Variants in ADARB2 observed in about 807,000 individuals in gnomAD.
ADARB2 encodes adenosine deaminase RNA specific B2 (inactive), also known as inactive double-stranded RNA-specific editase B2.
ADARB2 carries 25 observed loss-of-function variants against 62.2 expected under a neutral mutation model. That is an observed-to-expected ratio of 0.40 (90% CI 0.29 to 0.56). The LOEUF (loss-of-function observed/expected upper bound fraction) is 0.56. Among genes scored for constraint, ADARB2 ranks in the 20% least tolerant of loss-of-function variants. The pLI is 0.43. For synonymous variants in ADARB2, 572 were observed against 500.8 expected, an observed-to-expected ratio of 1.14 and a Z score of -1.90; for missense variants, 1,071 against 1,077.4, an observed-to-expected ratio of 0.99 and a Z score of 0.08.
intron 3 of ADARB2, chr10:1,293,029 G>A (rs1831484085): frequency 1.1e-4 from 2 of 18,476 alleles, no homozygotes; most frequent in East Asian, 2.3e-3. Flanking sequence ...GAGAGAGAGG[G>A]ACACAGGAAG....
chr10:1,214,573 G>A (rs1050117209), intron 7 of ADARB2, among the ~76,000 whole-genome samples: 1 of 152,256 alleles, frequency 6.6e-6, no homozygotes, highest in Non-Finnish European at 1.5e-5. Context: ...GCGTGGGTTC[G>A]CACCTGTGTT....
At chr10:1,599,714 C>T (rs781005033) in intron 1 of ADARB2, among the ~76,000 whole-genome samples, 1 of 152,110 alleles carries the variant, frequency 6.6e-6, no homozygotes. Flanking sequence ...GTATCCCTTC[C>T]TCTGTCTGGA....
At chr10:1,584,300 G>A (rs1450446006) in intron 1 of ADARB2, among the ~76,000 whole-genome samples, 3 of 152,086 alleles carry the variant, frequency 2.0e-5, no homozygotes, top group South Asian at 2.1e-4. Flanking sequence ...CTGATACCAC[G>A]CCAAAGAAGA....
rs1019963019 is a variant in ADARB2 at position 1,178,763 on chromosome 10, G to C, written c.*4430C>G. On this transcript the variant is annotated 3_prime_UTR_variant, in exon 10 of 10. Coordinates refer to ENST00000381312, the MANE Select transcript of ADARB2 (RefSeq NM_018702.4). ...AAAACTGCAGGCGAGGACAGGCTTT[G>C]GAGGTATGTGGGATGGCGGCTCCCT... 2.6e-5 allele frequency: 4 copies of C among 152,190 alleles called. No homozygotes were observed. Among genetic ancestry groups the C allele is most frequent in the African/African-American group, 4.8e-5 (2 of 41,450 alleles). 9.4% of individuals were successfully genotyped at this position (152,190 alleles called of 1,614,324 possible). A position where few individuals can be genotyped will look rare whatever the true frequency, so the allele number is the denominator to read the frequency against.
intron 1 of ADARB2, among the ~76,000 whole-genome samples, chr10:1,529,174 TC>T (rs1209593558): frequency 8.2e-5 from 11 of 133,926 alleles, no homozygotes; most frequent in South Asian, 2.6e-4. Flanking sequence ...AATCCTCCAA[TC>T]AGTCCACGCA....
intron 1 of ADARB2, among the ~76,000 whole-genome samples, chr10:1,462,492 G>C (rs1340754317): frequency 2.0e-5 from 3 of 152,252 alleles, no homozygotes; most frequent in African/African-American, 4.8e-5. Flanking sequence ...GAGTTGCCCA[G>C]TTAGGGCGTG....
At chr10:1,623,180 T>C (rs1245703810) in intron 1 of ADARB2, among the ~76,000 whole-genome samples, 1 of 152,158 alleles carries the variant, frequency 6.6e-6, no homozygotes, top group Non-Finnish European at 1.5e-5. Flanking sequence ...TGGGATTGGA[T>C]TGTTGCAAAA....
chr10:1,511,831 T>C (rs2813444), intron 1 of ADARB2, among the ~76,000 whole-genome samples: 25,618 of 150,496 alleles, frequency 0.17, 2,901 homozygotes, highest in East Asian at 0.32. Context: ...CTACACTGGA[T>C]ACTAAGACAT....
rs533826088 is a variant in ADARB2, at chr10:1,341,837, C to T, written c.1077+21191G>A. Among the ~76,000 whole-genome samples the T allele has an allele frequency of 3.9e-5, 6 of 152,304 alleles. No homozygotes were observed. In the South Asian group the frequency reaches 6.2e-4, roughly 16 times the overall value. On this transcript the variant is annotated intron_variant, in intron 3 of 9. Transcript: ENST00000381312. ...CCAAAGCAGTGATAACCAGCATCCA[C>T]CAGAGAACCAACTGCCCCACAGCAG...
At chr10:1,711,411 A>T (rs191041429) in intron 1 of ADARB2, among the ~76,000 whole-genome samples, 63 of 152,266 alleles carry the variant, frequency 4.1e-4, no homozygotes, top group Middle Eastern at 3.4e-3. Context: ...GGCGGAGACC[A>T]GCATGGATCC....
At chr10:1,735,544 C>T (rs184999381) in intron 1 of ADARB2, among the ~76,000 whole-genome samples, 150 of 152,242 alleles carry the variant, frequency 9.9e-4, no homozygotes, top group Admixed American at 5.5e-3. Flanking sequence ...TTCCTTTTTC[C>T]TCTTTTAAAA....
chr10:1,504,104 T>C (rs978495394), intron 1 of ADARB2, among the ~76,000 whole-genome samples: 5 of 152,198 alleles, frequency 3.3e-5, no homozygotes, highest in Non-Finnish European at 4.4e-5. Flanking sequence ...ACAAATGACA[T>C]GGAAGTGGCA....
At chr10:1,589,286 T>A (rs1351702608) in intron 1 of ADARB2, among the ~76,000 whole-genome samples, 1 of 152,202 alleles carries the variant, frequency 6.6e-6, no homozygotes, top group Non-Finnish European at 1.5e-5. Flanking sequence ...GGAGAACGTA[T>A]GGTGGAAAGG....
chr10:1,363,416 G>C lies in ADARB2; in HGVS notation c.689C>G (p.Pro230Arg), dbSNP rs1348297816. ...PDTLFQEFEP[P>R]APRPGLAGGR... is the part of the protein sequence containing the mutation. ...TCCCGCGAGTCCGGGGCGCGGCGCC[G>C]GGGGCTCGAACTCCTGGAAGAGCGT... The change falls in exon 3 of 10, where the codon CCG becomes CGG. Residue 230 changes from proline (P) to arginine (R), a missense_variant. By Grantham distance (103) the Pro-to-Arg change is moderately radical. Coordinates refer to ENST00000381312, the MANE Select transcript of ADARB2 (RefSeq NM_018702.4). 5 of 1,363,056 alleles carry C rather than the reference G, an allele frequency of 3.7e-6. No homozygotes were observed. The highest frequency in any genetic ancestry group is 4.7e-6 in the Non-Finnish European group (5 of 1,056,210). 84.4% of individuals were successfully genotyped at this position (1,363,056 alleles called of 1,614,324 possible).
At chr10:1,577,928 C>G (rs1833042093) in intron 1 of ADARB2, among the ~76,000 whole-genome samples, 1 of 152,200 alleles carries the variant, frequency 6.6e-6, no homozygotes, top group Non-Finnish European at 1.5e-5. Context: ...GAGGGACAAC[C>G]CTGTGAGGAC....
intron 1 of ADARB2, among the ~76,000 whole-genome samples, chr10:1,618,885 A>C (rs1588326158): frequency 6.6e-6 from 1 of 152,240 alleles, no homozygotes; most frequent in South Asian, 2.1e-4. Context: ...AGAGAAAATT[A>C]AACCCTCTCC....
At chr10:1,388,560 C>T (rs1344179555) in intron 1 of ADARB2, among the ~76,000 whole-genome samples, 1 of 152,036 alleles carries the variant, frequency 6.6e-6, no homozygotes, top group African/African-American at 2.4e-5. Context: ...AGTCTACATG[C>T]TTCTATGTAC....
At chr10:1,505,370 C>T (rs541698312) in intron 1 of ADARB2, among the ~76,000 whole-genome samples, 2 of 148,474 alleles carry the variant, frequency 1.3e-5, no homozygotes, top group South Asian at 2.1e-4. Flanking sequence ...TGCAAGGGAT[C>T]GGAGGGTTTT....
intron 3 of ADARB2, among the ~76,000 whole-genome samples, chr10:1,337,443 TG>T: frequency 6.6e-6 from 1 of 152,294 alleles, no homozygotes; most frequent in South Asian, 2.1e-4. Context: ...GTGATGCCAT[TG>T]AAATGCTCAA....
Sources: allele counts gnomAD v4.1 joint callset (sites outside exome capture counted in the v4.1 genomes callset), GRCh38; gene constraint gnomAD v4.1.1; transcripts MANE v1.5; gene names NCBI Gene and HGNC (gene_info 2026-07-23, HGNC 2026-07-21).